The following SUGCT variants were observed in gnomAD, a reference collection of about 807,000 sequenced individuals.
The protein encoded by SUGCT is succinyl-CoA:glutarate-CoA transferase.
Under a neutral mutation model 55.0 loss-of-function variants are expected in SUGCT, and 41 were observed. The observed-to-expected ratio is 0.74, with a 90% confidence interval of 0.58 to 0.97. The LOEUF (loss-of-function observed/expected upper bound fraction) is 0.97. Among genes scored for constraint, SUGCT ranks in the 50% least tolerant of loss-of-function variants. The pLI is 0.00. For synonymous variants in SUGCT, 187 were observed against 200.4 expected (o/e 0.93, Z 0.56); for missense variants, 568 against 547.8 (o/e 1.04, Z -0.37).
chr7:40,551,533 A>G (rs1237058293), intron 12 of SUGCT, among the ~76,000 whole-genome samples: 3 of 152,198 alleles, frequency 2.0e-5, no homozygotes, highest in Non-Finnish European at 4.4e-5. Flanking sequence ...AAATAAATAT[A>G]TATGTTGTGC....
intron 13 of SUGCT, among the ~76,000 whole-genome samples, chr7:40,820,741 A>T (rs1372982481): frequency 6.6e-6 from 1 of 152,150 alleles, no homozygotes; most frequent in Admixed American, 6.5e-5. Context: ...TCTTTTCCTA[A>T]CTGAATACCC....
intron 12 of SUGCT, among the ~76,000 whole-genome samples, chr7:40,595,642 CA>C (rs11365939): frequency 0.18 from 21,800 of 121,588 alleles, 1,577 homozygotes; most frequent in South Asian, 0.26. Context: ...TTTCATGCCA[CA>C]AAAAAAAAAA....
intron 12 of SUGCT, among the ~76,000 whole-genome samples, chr7:40,740,035 A>T (rs941328554): frequency 3.3e-5 from 5 of 152,166 alleles, no homozygotes; most frequent in African/African-American, 9.6e-5. Context: ...CATCCAGTCC[A>T]TGAACATAGT....
the SUGCT span, among the ~76,000 whole-genome samples, chr7:40,895,297 T>C: frequency 0.068 from 10,353 of 151,962 alleles, 925 homozygotes; most frequent in African/African-American, 0.21. Context: ...AAAATAGACA[T>C]TGGGGCCTAC....
At chr7:40,495,227 CTTTT>C (rs79094909) in intron 11 of SUGCT, among the ~76,000 whole-genome samples, 1 of 138,576 alleles carries the variant, frequency 7.2e-6, no homozygotes, top group Non-Finnish European at 1.6e-5. Context: ...TATTTCTATG[CTTTT>C]TTTTTTTTTT....
At chr7:40,923,786 G>A in the SUGCT span, among the ~76,000 whole-genome samples, 7 of 152,118 alleles carry the variant, frequency 4.6e-5, no homozygotes, top group African/African-American at 1.4e-4. Flanking sequence ...CATTCTTCTA[G>A]TCTTTATTTC....
At chr7:40,748,367 T>G (rs1392537341) in intron 12 of SUGCT, among the ~76,000 whole-genome samples, 1 of 151,954 alleles carries the variant, frequency 6.6e-6, no homozygotes, top group Non-Finnish European at 1.5e-5. Flanking sequence ...AGGATAAAGA[T>G]AGTTAATTAA....
chr7:40,569,950 G>A (rs1796353198), intron 12 of SUGCT, among the ~76,000 whole-genome samples: 1 of 152,152 alleles, frequency 6.6e-6, no homozygotes, highest in Non-Finnish European at 1.5e-5. Context: ...ATGAAGTGTG[G>A]TATCCAAAGT....
intron 13 of SUGCT, among the ~76,000 whole-genome samples, chr7:40,797,198 C>A (rs1379725831): frequency 1.3e-5 from 2 of 152,092 alleles, no homozygotes; most frequent in Non-Finnish European, 2.9e-5. Context: ...ATTAAACTGA[C>A]CTTCAATATC....
chr7:40,926,784 G>A, the SUGCT span, among the ~76,000 whole-genome samples: 1 of 152,304 alleles, frequency 6.6e-6, no homozygotes, highest in East Asian at 1.9e-4. Context: ...CTCCAGAACT[G>A]TGAGAAATAA....
the SUGCT span, among the ~76,000 whole-genome samples, chr7:41,014,253 G>A: frequency 9.1e-4 from 139 of 152,248 alleles, no homozygotes; most frequent in African/African-American, 3.1e-3. Flanking sequence ...GTATATATGC[G>A]TGTATGTGTG....
At chr7:40,249,333 ATATATATATATATAAT>A (rs1333422039) in intron 7 of SUGCT, among the ~76,000 whole-genome samples, 2 of 121,114 alleles carry the variant, frequency 1.7e-5, no homozygotes, top group African/African-American at 6.6e-5. Context: ...ATATATATAT[ATATATATATATATAAT>A]TATATTATAT....
intron 12 of SUGCT, among the ~76,000 whole-genome samples, chr7:40,537,731 T>G (rs1306311650): frequency 2.0e-5 from 3 of 152,196 alleles, no homozygotes; most frequent in Non-Finnish European, 4.4e-5. Context: ...ACACTTTTCC[T>G]AGTTTTGTTT....
intron 13 of SUGCT, among the ~76,000 whole-genome samples, chr7:40,784,025 T>C (rs1332148437): frequency 6.6e-6 from 1 of 152,212 alleles, no homozygotes; most frequent in African/African-American, 2.4e-5. Flanking sequence ...CAATGACTTG[T>C]TGAATTAGTG....
At chr7:40,598,431 G>C (rs940484898) in intron 12 of SUGCT, among the ~76,000 whole-genome samples, 1 of 152,198 alleles carries the variant, frequency 6.6e-6, no homozygotes. Context: ...AGCATGCCAG[G>C]TCATTACTAT....
intron 11 of SUGCT, among the ~76,000 whole-genome samples, chr7:40,477,977 T>C (rs1790796605): frequency 6.6e-6 from 1 of 152,026 alleles, no homozygotes; most frequent in Non-Finnish European, 1.5e-5. Context: ...CCCCAACAAA[T>C]TATTGTTTGG....
intron 12 of SUGCT, among the ~76,000 whole-genome samples, chr7:40,654,263 G>A (rs1184484971): frequency 1.3e-5 from 2 of 151,474 alleles, no homozygotes; most frequent in East Asian, 3.9e-4. Flanking sequence ...GAAGAGCTCA[G>A]GGGAAAAAAA....
At chr7:40,632,671 T>C (rs1055986721) in intron 12 of SUGCT, among the ~76,000 whole-genome samples, 1 of 151,900 alleles carries the variant, frequency 6.6e-6, no homozygotes, top group Admixed American at 6.6e-5. Flanking sequence ...ATTCATTCAT[T>C]CATTTGTTCA....
At chr7:40,532,778 T>C (rs1794168265) in intron 12 of SUGCT, among the ~76,000 whole-genome samples, 1 of 152,176 alleles carries the variant, frequency 6.6e-6, no homozygotes, top group Non-Finnish European at 1.5e-5. Flanking sequence ...CAAACAATAG[T>C]ATCAACACTA....
Sources: gnomAD v4.1 joint callset for allele counts (sites outside exome capture counted in the v4.1 genomes callset) on GRCh38, gnomAD v4.1.1 for gene constraint, MANE v1.5 for transcripts, NCBI Gene and HGNC (gene_info 2026-07-23, HGNC 2026-07-21) for gene names.